NRXN3: variants seen among roughly 807,000 people sequenced by gnomAD.
The protein encoded by NRXN3 is neurexin 3.
In NRXN3, 32 loss-of-function variants were observed where a neutral mutation model predicts 137.6. The observed-to-expected ratio is 0.23, with a 90% CI of 0.18 to 0.31. NRXN3 has a LOEUF of 0.31. Among genes scored for constraint, NRXN3 ranks in the 10% least tolerant of loss-of-function variants. The pLI is 1.00. For missense variants in NRXN3, 1,574 were observed against 2,062.5 expected (o/e 0.76, Z 4.59); for synonymous variants, 798 against 784.5 (o/e 1.02, Z -0.29).
intron 19 of NRXN3, among the ~76,000 whole-genome samples, chr14:79,731,399 ATGG>A (rs2098922067): frequency 6.6e-6 from 1 of 152,212 alleles, no homozygotes. Context: ...ATCATGCAAA[ATGG>A]TAAATAATAA....
intron 16 of NRXN3, chr14:79,572,904 A>C (rs2097622521): frequency 6.6e-6 from 1 of 152,218 alleles, no homozygotes; most frequent in African/African-American, 2.4e-5. Flanking sequence ...TTAATCAGAC[A>C]AGAAAAGAAC....
intron 7 of NRXN3, among the ~76,000 whole-genome samples, chr14:78,714,477 A>G (rs553870046): frequency 6.6e-6 from 1 of 152,170 alleles, no homozygotes; most frequent in Admixed American, 6.5e-5. Context: ...CTCAACCTGT[A>G]TGGTCTCAGC....
At chr14:79,809,348 A>G (rs914997153) in intron 20 of NRXN3, among the ~76,000 whole-genome samples, 2 of 152,198 alleles carry the variant, frequency 1.3e-5, no homozygotes, top group Admixed American at 1.3e-4. Context: ...CATGTTGGCC[A>G]GGCTGGTCTC....
At chr14:79,316,180 A>C (rs1486791765) in intron 15 of NRXN3, among the ~76,000 whole-genome samples, 1 of 152,244 alleles carries the variant, frequency 6.6e-6, no homozygotes, top group Non-Finnish European at 1.5e-5. Flanking sequence ...AAAACATTAC[A>C]TTAATCTACA....
chr14:79,826,725 T>G (rs1218567343), intron 20 of NRXN3, among the ~76,000 whole-genome samples: 1 of 152,156 alleles, frequency 6.6e-6, no homozygotes, highest in Non-Finnish European at 1.5e-5. Flanking sequence ...CAGTCTGTGA[T>G]CCAATCCAAG....
chr14:78,353,984 C>G lies in NRXN3; in HGVS notation c.757+56124C>G, dbSNP rs531436686. Reference sequence around the variant, plus strand: ...AAGTCCTTTATTTTTTCTCAGTGACCTGCACTATTATTTCAAAAGTCTTCT... The same window carrying G: ...AAGTCCTTTATTTTTTCTCAGTGACGTGCACTATTATTTCAAAAGTCTTCT... On this transcript the variant is annotated intron_variant, in intron 4 of 20. Coordinates refer to ENST00000335750, the MANE Select transcript of NRXN3 (RefSeq NM_001330195.2). Among the ~76,000 whole-genome samples, 7 of 152,230 alleles carry G rather than the reference C, an allele frequency of 4.6e-5. No individual in the cohort carries two copies. The South Asian group carries it at 1.2e-3, about 27-fold the overall frequency.
chr14:78,676,068 C>G (rs1255983954), intron 6 of NRXN3, among the ~76,000 whole-genome samples: 5 of 152,110 alleles, frequency 3.3e-5, no homozygotes, highest in Non-Finnish European at 5.9e-5. Context: ...CAGCCTTCTC[C>G]CTCCCTTCAG....
At chr14:79,444,765 C>T (rs1261880174) in intron 15 of NRXN3, among the ~76,000 whole-genome samples, 1 of 152,122 alleles carries the variant, frequency 6.6e-6, no homozygotes, top group African/African-American at 2.4e-5. Context: ...GGGTTCTAGA[C>T]TGCAGTGAGT....
chr14:79,786,456 A>C (rs2099129703), intron 19 of NRXN3, among the ~76,000 whole-genome samples: 1 of 152,204 alleles, frequency 6.6e-6, no homozygotes, highest in African/African-American at 2.4e-5. Flanking sequence ...AAACTGTTTT[A>C]TGTGTAAGCA....
intron 4 of NRXN3, among the ~76,000 whole-genome samples, chr14:78,400,447 T>A (rs73316016): frequency 1.3e-5 from 2 of 152,308 alleles, no homozygotes; most frequent in Admixed American, 1.3e-4. Context: ...TTATAGAAAC[T>A]TTACCTAGCT....
intron 15 of NRXN3, among the ~76,000 whole-genome samples, chr14:79,013,629 C>G (rs1374059855): frequency 6.6e-6 from 1 of 152,026 alleles, no homozygotes; most frequent in African/African-American, 2.4e-5. Flanking sequence ...CTTTGCTTTC[C>G]CTTTAATAAT....
At chr14:79,613,023 G>A (rs1453710039) in intron 16 of NRXN3, among the ~76,000 whole-genome samples, 1 of 152,166 alleles carries the variant, frequency 6.6e-6, no homozygotes, top group Non-Finnish European at 1.5e-5. Flanking sequence ...ATGCAAAAGT[G>A]TTGAGTGGCA....
At chr14:79,766,742 A>G (rs561606676) in intron 19 of NRXN3, among the ~76,000 whole-genome samples, 1 of 152,294 alleles carries the variant, frequency 6.6e-6, no homozygotes, top group Middle Eastern at 3.4e-3. Context: ...AGTATTTACC[A>G]TGTTATTGGC....
At chr14:78,561,375 A>G (rs781178295) in intron 4 of NRXN3, among the ~76,000 whole-genome samples, 10 of 152,224 alleles carry the variant, frequency 6.6e-5, no homozygotes, top group Non-Finnish European at 1.5e-4. Context: ...TTCATTGGGC[A>G]TGAGAAAATG....
chr14:78,785,016 T>C (rs1248759209), intron 8 of NRXN3, among the ~76,000 whole-genome samples: 1 of 152,182 alleles, frequency 6.6e-6, no homozygotes, highest in Admixed American at 6.5e-5. Context: ...CAAGGCTAAG[T>C]AGTAAGAACT....
intron 15 of NRXN3, among the ~76,000 whole-genome samples, chr14:79,351,664 AC>A (rs2093213885): frequency 6.6e-6 from 1 of 152,228 alleles, no homozygotes; most frequent in Admixed American, 6.5e-5. Flanking sequence ...GCAAGGGCTC[AC>A]TAGCTATAGC....
intron 10 of NRXN3, among the ~76,000 whole-genome samples, chr14:78,847,386 AG>A (rs779430749): frequency 6.6e-6 from 1 of 152,126 alleles, no homozygotes; most frequent in Non-Finnish European, 1.5e-5. Context: ...CATCTTGCCC[AG>A]AATTTGATGG....
intron 4 of NRXN3, among the ~76,000 whole-genome samples, chr14:78,607,521 C>T (rs1041633076): frequency 6.6e-5 from 10 of 152,132 alleles, no homozygotes; most frequent in South Asian, 2.1e-4. Context: ...CCCCACAGTG[C>T]CTTCTTTGGG....
intron 15 of NRXN3, among the ~76,000 whole-genome samples, chr14:79,384,391 A>C (rs1388946912): frequency 6.6e-6 from 1 of 152,200 alleles, no homozygotes; most frequent in Non-Finnish European, 1.5e-5. Context: ...CTAAGACTTG[A>C]GAATGAGTTT....
Sources: gnomAD v4.1 joint callset for allele counts (sites outside exome capture counted in the v4.1 genomes callset) on GRCh38, gnomAD v4.1.1 for gene constraint, MANE v1.5 for transcripts, NCBI Gene and HGNC (gene_info 2026-07-23, HGNC 2026-07-21) for gene names.